The following SPPL2B variants were observed in gnomAD, a reference collection of about 807,000 sequenced individuals.
SPPL2B encodes signal peptide peptidase like 2B.
Under a neutral mutation model 59.7 loss-of-function variants are expected in SPPL2B, and 39 were observed. The ratio of observed to expected loss-of-function variants is 0.65; its 90% confidence interval spans 0.51 to 0.85. SPPL2B has a LOEUF of 0.85. SPPL2B is among the 40% of genes least tolerant of loss of function. The pLI, the probability that SPPL2B is intolerant of heterozygous loss-of-function variation, is 0.00. For synonymous variants in SPPL2B, 419 were observed against 370.8 expected (o/e 1.13, Z -1.49); for missense variants, 865 against 849.0 (o/e 1.02, Z -0.23).
At position 2,353,232 on chromosome 19, in the gene SPPL2B, C is replaced by T. The variant is rs1363942118; in HGVS notation, c.*23C>T. The T allele has an allele frequency of 6.5e-7, 1 of 1,536,144 alleles. No individual in the cohort carries two copies. Among genetic ancestry groups the T allele is most frequent in the South Asian group, 1.3e-5 (1 of 78,770 alleles). On this transcript the variant is annotated 3_prime_UTR_variant, in exon 15 of 15. Transcript: ENST00000613503. ...TAGGGGAGGGGTGAGACGCTCGCTG[C>T]CGTGCCCGCCACACCAAGATGTTGG... is the stretch of plus-strand genomic sequence containing the variant.
intron 9 of SPPL2B, 85 bp downstream of exon 9, chr19:2,343,377 C>T: frequency 8.7e-7 from 1 of 1,147,186 alleles, no homozygotes; most frequent in Admixed American, 2.0e-5. Context: ...GGCTGTGGTC[C>T]TTGCAGGTCT....
In SPPL2B at chr19:2,341,294, C is replaced by A. The variant is rs970995931; in HGVS notation, c.956+280C>A. 7 of 625,864 alleles carry A rather than the reference C, an allele frequency of 1.1e-5. No individual in the cohort carries two copies. The African/African-American group carries it at 1.3e-4, about 11-fold the overall frequency. The allele number at this position is 625,864 out of a possible 1,614,324, so 38.8% of individuals were successfully genotyped here. A position where few individuals can be genotyped will look rare whatever the true frequency, so the allele number is the denominator to read the frequency against. On this transcript the variant is annotated intron_variant, in intron 8 of 14. Transcript: ENST00000613503. ...CACGTCCTCCAGCCTGGATGGGACT[C>A]CTTTGTGGGGCATCGCTGCCCAGGG... is the stretch of plus-strand genomic sequence containing the variant.
At chr19:2,334,301 G>A (rs1352361438) in intron 1 of SPPL2B, among the ~76,000 whole-genome samples, 1 of 152,250 alleles carries the variant, frequency 6.6e-6, no homozygotes, top group Admixed American at 6.5e-5. Context: ...AGGCCCAGGA[G>A]GTGGTGCGAT....
rs1276768083 is a variant in SPPL2B at position 2,328,786 on chromosome 19, C to G, written c.66+11C>G. Reference sequence around the variant, plus strand: ...CTCCTCGCGGCCCAGGTGAGCGCGGCACCGGTCCCGACGGCACCGCGGGCT... The same window carrying G: ...CTCCTCGCGGCCCAGGTGAGCGCGGGACCGGTCCCGACGGCACCGCGGGCT... On this transcript the variant is annotated intron_variant, in intron 1 of 14. Transcript: ENST00000613503. 2 of 1,411,078 alleles carry G rather than the reference C, an allele frequency of 1.4e-6. No homozygotes were observed. Among genetic ancestry groups the G allele is most frequent in the Non-Finnish European group, 1.8e-6 (2 of 1,090,134 alleles). 87.4% of individuals were successfully genotyped at this position (1,411,078 alleles called of 1,614,324 possible).
At chr19:2,339,659 C>T (rs60938029) in intron 5 of SPPL2B, 165 bp from the exon 6 acceptor site, 98,691 of 757,542 alleles carry the variant, frequency 0.13, 9,672 homozygotes, top group African/African-American at 0.41. Flanking sequence ...TGTGTGGTCT[C>T]CTCTGCCCTG....
intron 2 of SPPL2B, among the ~76,000 whole-genome samples, chr19:2,336,819 G>T (rs990776180): frequency 6.7e-6 from 1 of 150,012 alleles, no homozygotes; most frequent in Non-Finnish European, 1.5e-5. Context: ...GCGCTGGCCT[G>T]GCTGCGGCTA....
Position 2,351,480 on chromosome 19 carries a change from G to C in SPPL2B, c.1401G>C (p.Met467Ile). 1 of 1,610,024 alleles carries C rather than the reference G, an allele frequency of 6.2e-7. No homozygotes were observed. Among genetic ancestry groups the C allele is most frequent in the South Asian group, 1.1e-5 (1 of 91,028 alleles). The change falls in exon 14 of 15, where the codon ATG (methionine) becomes ATC (isoleucine). Residue 467 changes from methionine to isoleucine, a missense_variant. Coordinates refer to ENST00000613503, the MANE Select transcript of SPPL2B (RefSeq NM_152988.3). Reference protein sequence around the residue: ...LLVTFVALALMQRGQPALLYL... With the variant: ...LLVTFVALALIQRGQPALLYL... ...TGACATTCGTGGCACTGGCCCTGATGCAGCGTGGCCAGCCCGCTCTCCTCT... is the reference window on the plus strand; with the variant it reads ...TGACATTCGTGGCACTGGCCCTGATCCAGCGTGGCCAGCCCGCTCTCCTCT...
intron 2 of SPPL2B, 30 bp downstream of exon 2, chr19:2,334,751 G>A (rs760625599): frequency 5.3e-6 from 8 of 1,515,670 alleles, no homozygotes; most frequent in East Asian, 2.5e-5. Context: ...GCGCCGCTGC[G>A]GAGGAGAATG....
chr19:2,344,706 G>T, intron 12 of SPPL2B, 54 bp downstream of exon 12: 1 of 1,228,056 alleles, frequency 8.1e-7, no homozygotes, highest in Non-Finnish European at 1.2e-6. Context: ...GGCCCCGGGC[G>T]GCTGAGGTTT....
At chr19:2,345,127 C>T (rs1162050398) in intron 12 of SPPL2B, 126 bp from the exon 13 acceptor site, 2 of 685,930 alleles carry the variant, frequency 2.9e-6, no homozygotes, top group African/African-American at 3.6e-5. Context: ...TGTGAAATGA[C>T]AGCAGCCACC....
intron 9 of SPPL2B, 122 bp downstream of exon 9, chr19:2,343,414 G>A (rs1969171932): frequency 1.2e-6 from 1 of 812,214 alleles, no homozygotes; most frequent in African/African-American, 1.7e-5. Flanking sequence ...CCCTGGGGAT[G>A]GCCGCCTAGG....
At chr19:2,339,452 C>T (rs375319675) in intron 5 of SPPL2B, among the ~76,000 whole-genome samples, 1 of 152,016 alleles carries the variant, frequency 6.6e-6, no homozygotes, top group African/African-American at 2.4e-5. Flanking sequence ...CAGGTACGGG[C>T]GTGGCAGGTG....
intron 13 of SPPL2B, among the ~76,000 whole-genome samples, chr19:2,348,045 G>T (rs112266806): frequency 1.5e-5 from 1 of 67,348 alleles, no homozygotes; most frequent in South Asian, 6.9e-4. Context: ...AGACTCACGC[G>T]CTCTCATTCG....
intron 13 of SPPL2B, among the ~76,000 whole-genome samples, chr19:2,347,664 T>TCC (rs1443486356): frequency 2.1e-4 from 1 of 4,804 alleles, no homozygotes; most frequent in Non-Finnish European, 2.9e-4. Flanking sequence ...TGCCGTTCTC[T>TCC]CTCCACACAC....
chr19:2,346,073 C>T (rs571853865), intron 13 of SPPL2B, among the ~76,000 whole-genome samples: 26 of 152,252 alleles, frequency 1.7e-4, no homozygotes, highest in African/African-American at 6.3e-4. Context: ...TTGTTATGAA[C>T]GTATTTACGC....
chr19:2,330,066 G>GCACA (rs1568425137), intron 1 of SPPL2B, among the ~76,000 whole-genome samples: 2 of 152,086 alleles, frequency 1.3e-5, no homozygotes, highest in Non-Finnish European at 2.9e-5. Flanking sequence ...AGAACTCTGT[G>GCACA]GAGAGAGGGA....
intron 10 of SPPL2B, 79 bp from the exon 11 acceptor site, chr19:2,344,283 G>C: frequency 1.7e-6 from 1 of 605,684 alleles, no homozygotes. Flanking sequence ...GCATCACCCT[G>C]CCCCCTCGCC....
At chr19:2,333,843 C>T (rs73520564) in intron 1 of SPPL2B, among the ~76,000 whole-genome samples, 10,625 of 152,298 alleles carry the variant, frequency 0.07, 1,227 homozygotes, top group African/African-American at 0.24. Flanking sequence ...CTCCCTCCTG[C>T]GAAGTGGGAG....
intron 2 of SPPL2B, among the ~76,000 whole-genome samples, chr19:2,335,968 T>G (rs1255689006): frequency 6.7e-6 from 1 of 148,630 alleles, no homozygotes; most frequent in African/African-American, 2.6e-5. Flanking sequence ...AGTGTTTTTT[T>G]GTGTGTGAAC....
Sources: allele counts gnomAD v4.1 joint callset (sites outside exome capture counted in the v4.1 genomes callset), GRCh38; gene constraint gnomAD v4.1.1; transcripts MANE v1.5; gene names NCBI Gene and HGNC (gene_info 2026-07-23, HGNC 2026-07-21).